The following SLC28A3 variants were observed in gnomAD, a reference collection of about 807,000 sequenced individuals.
SLC28A3 encodes solute carrier family 28 member 3.
SLC28A3 carries 68 observed loss-of-function variants against 84.2 expected under a neutral mutation model. That is an observed-to-expected ratio of 0.81 (90% CI 0.66 to 0.99). The LOEUF (loss-of-function observed/expected upper bound fraction) is 0.99, where lower values mean the gene tolerates loss of function less well. Ranked by LOEUF, SLC28A3 falls within the 50% of genes least tolerant of loss-of-function variation. The pLI, the probability that SLC28A3 is intolerant of heterozygous loss-of-function variation, is 0.00. For synonymous variants in SLC28A3, 267 were observed against 303.6 expected, an observed-to-expected ratio of 0.88 and a Z score of 1.25; for missense variants, 712 against 841.5, an observed-to-expected ratio of 0.85 and a Z score of 1.90.
chr9:84,280,688 C>A (rs1267271348), intron 15 of SLC28A3, 113 bp downstream of exon 15: 2 of 984,222 alleles, frequency 2.0e-6, no homozygotes, highest in Admixed American at 2.1e-5. Flanking sequence ...CCAGAGGACT[C>A]ATGACTGTTG....
intron 14 of SLC28A3, among the ~76,000 whole-genome samples, chr9:84,282,502 T>C (rs899387434): frequency 2.6e-5 from 4 of 152,260 alleles, no homozygotes; most frequent in African/African-American, 9.6e-5. Flanking sequence ...ACCACAACTC[T>C]GACCACTCCG....
Position 84,299,706 on chromosome 9 carries a change from C to G in SLC28A3, c.544G>C (p.Val182Leu). The G allele has an allele frequency of 6.2e-7, 1 of 1,601,580 alleles. No homozygotes were observed. Among genetic ancestry groups the G allele is most frequent in the South Asian group, 1.1e-5 (1 of 87,982 alleles). ...WLKWVIWSSL[V>L]LAVIFWLAFD... ...GCCAACCAGAAAATAACTGCTAGGA[C>G]CAGGGAGCTCCAGATCACCCTAAGA... Residue 182 changes from valine (V) to leucine (L), a missense_variant, in exon 6 of 18, where the codon GTC becomes CTC. Val to Leu is a conservative substitution (Grantham distance 32). Transcript: ENST00000376238.
intron 1 of SLC28A3, among the ~76,000 whole-genome samples, chr9:84,316,415 G>A (rs976016458): frequency 9.8e-5 from 15 of 152,294 alleles, no homozygotes; most frequent in Non-Finnish European, 1.0e-4. Context: ...GGAATGTTCC[G>A]CCAGGGATGG....
chr9:84,316,307 G>C (rs529940485), intron 1 of SLC28A3, among the ~76,000 whole-genome samples: 27 of 152,178 alleles, frequency 1.8e-4, no homozygotes, highest in Non-Finnish European at 4.0e-4. Context: ...CTGACACATG[G>C]TCACCTAGGA....
rs181544497 is a variant in SLC28A3, at chr9:84,300,975, A to T, written c.524+1225T>A. The stretch of plus-strand genomic sequence containing the variant: ...GGACAGCATATTCTGATGTTAAAAA[A>T]TATCCATGATGCCTGTATCAAAATA... On this transcript the variant is annotated intron_variant, in intron 5 of 17. Transcript: ENST00000376238. Among the ~76,000 whole-genome samples, 163 of 152,300 alleles carry T rather than the reference A, an allele frequency of 1.1e-3. 1 individual carries two copies. Among genetic ancestry groups the T allele is most frequent in the African/African-American group, 3.7e-3 (153 of 41,560 alleles).
chr9:84,299,832 G>T, intron 5 of SLC28A3, 107 bp from the exon 6 acceptor site: 1 of 1,294,098 alleles, frequency 7.7e-7, no homozygotes, highest in South Asian at 1.6e-5. Context: ...TTGCTCTGTT[G>T]CCCAGGCTGG....
chr9:84,298,124 G>T, intron 6 of SLC28A3, 105 bp from the exon 7 acceptor site: 1 of 889,344 alleles, frequency 1.1e-6, no homozygotes, highest in Non-Finnish European at 1.8e-6. Flanking sequence ...ATCAGATGTG[G>T]CCTGTCACCC....
At chr9:84,300,217 T>G (rs1825574961) in intron 5 of SLC28A3, among the ~76,000 whole-genome samples, 1 of 152,180 alleles carries the variant, frequency 6.6e-6, no homozygotes, top group Non-Finnish European at 1.5e-5. Context: ...AGCTAAAAAA[T>G]TAAGTACTGG....
intron 11 of SLC28A3, among the ~76,000 whole-genome samples, chr9:84,289,158 T>C (rs1009968461): frequency 6.6e-6 from 1 of 152,212 alleles, no homozygotes; most frequent in African/African-American, 2.4e-5. Context: ...CAGAACATTT[T>C]TGAGGCAGCA....
intron 2 of SLC28A3, among the ~76,000 whole-genome samples, chr9:84,311,612 G>C (rs538544276): frequency 1.9e-4 from 29 of 152,242 alleles, no homozygotes; most frequent in Middle Eastern, 3.4e-3. Flanking sequence ...AGCACTTTGG[G>C]AGGCCAAGGC....
At chr9:84,301,369 A>AAAAAAAAAAAAAAG (rs753889714) in intron 5 of SLC28A3, among the ~76,000 whole-genome samples, 13 of 132,430 alleles carry the variant, frequency 9.8e-5, no homozygotes, top group South Asian at 2.4e-4. Flanking sequence ...AAAAAAAAAA[A>AAAAAAAAAAAAAAG]AAAAAGAAAA....
chr9:84,281,879 A>G (rs1252172769), intron 14 of SLC28A3, among the ~76,000 whole-genome samples: 1 of 152,248 alleles, frequency 6.6e-6, no homozygotes, highest in Non-Finnish European at 1.5e-5. Context: ...TAATCCCAGC[A>G]CTTTGGGAGG....
At chr9:84,348,121 A>G in the SLC28A3 span, among the ~76,000 whole-genome samples, 1 of 152,164 alleles carries the variant, frequency 6.6e-6, no homozygotes, top group Non-Finnish European at 1.5e-5. Context: ...CACCTTGCCT[A>G]GCTCACCCTA....
Position 84,278,150 on chromosome 9 carries a change from TTTTTTTCTTTCCA to T in SLC28A3, c.*55_*67del, listed in dbSNP as rs1310362816. On this transcript the variant is annotated 3_prime_UTR_variant, in exon 18 of 18. Transcript: ENST00000376238. ...TCAATCTGTGGACAATAGCTTCTTT[TTTTTTTCTTTCCA>T]AAGCAGAAAATTCAGCATCTGTACT... is the stretch of plus-strand genomic sequence containing the variant. 6.5e-7 allele frequency: 1 copy of T among 1,540,902 alleles called. No homozygotes were observed. Among genetic ancestry groups the T allele is most frequent in the Non-Finnish European group, 8.7e-7 (1 of 1,143,348 alleles).
the SLC28A3 span, among the ~76,000 whole-genome samples, chr9:84,366,082 A>C: frequency 1.3e-5 from 2 of 152,140 alleles, no homozygotes; most frequent in Admixed American, 1.3e-4. Flanking sequence ...GATTGGGTGC[A>C]TTCGGGGTGG....
chr9:84,335,265 G>A (rs762259344), intron 1 of SLC28A3, among the ~76,000 whole-genome samples: 5 of 152,136 alleles, frequency 3.3e-5, no homozygotes, highest in Non-Finnish European at 7.3e-5. Context: ...AGCCTTGCCC[G>A]AGGCTGGGTG....
chr9:84,293,507 T>C (rs150699908), intron 9 of SLC28A3, among the ~76,000 whole-genome samples: 1,954 of 152,338 alleles, frequency 0.013, 18 homozygotes, highest in Admixed American at 0.02. Flanking sequence ...ATTTATTTAT[T>C]GGGATCAAGG....
At chr9:84,318,639 A>G (rs1826253364) in intron 1 of SLC28A3, among the ~76,000 whole-genome samples, 1 of 151,760 alleles carries the variant, frequency 6.6e-6, no homozygotes, top group African/African-American at 2.4e-5. Context: ...AAGGCTGAGG[A>G]GGTTGGATCG....
intron 6 of SLC28A3, among the ~76,000 whole-genome samples, chr9:84,299,100 C>A (rs1004753958): frequency 7.2e-5 from 11 of 152,128 alleles, no homozygotes; most frequent in African/African-American, 2.7e-4. Flanking sequence ...AGAATTCTTG[C>A]CCATTTCACG....
Sources: gnomAD v4.1 joint callset for allele counts (sites outside exome capture counted in the v4.1 genomes callset) on GRCh38, gnomAD v4.1.1 for gene constraint, MANE v1.5 for transcripts, NCBI Gene and HGNC (gene_info 2026-07-23, HGNC 2026-07-21) for gene names.